Variants in NKAIN3 observed in about 807,000 individuals in gnomAD.
The protein encoded by NKAIN3 is sodium/potassium-transporting ATPase subunit beta-1-interacting protein 3.
In NKAIN3, 25 loss-of-function variants were observed where a neutral mutation model predicts 30.2. The observed-to-expected ratio is 0.83, with a 90% CI of 0.60 to 1.16. The LOEUF (loss-of-function observed/expected upper bound fraction) is 1.16. Ranked by LOEUF, NKAIN3 falls within the 50% of genes most tolerant of loss-of-function variation. The pLI is 0.00. For synonymous variants in NKAIN3, 91 were observed against 89.6 expected, an observed-to-expected ratio of 1.02 and a Z score of -0.09; for missense variants, 225 against 254.1, an observed-to-expected ratio of 0.89 and a Z score of 0.78.
chr8:62,581,820 ACTTCCTTCCCTCTT>A (rs764719726), intron 2 of NKAIN3, among the ~76,000 whole-genome samples: 19,229 of 33,566 alleles, frequency 0.57, 6,413 homozygotes, highest in Middle Eastern at 0.7. Flanking sequence ...TTCCTTCTTT[ACTTCCTTCCCTCTT>A]TCCTTTTTTC....
intron 4 of NKAIN3, among the ~76,000 whole-genome samples, chr8:62,805,173 C>A (rs1044178795): frequency 7.2e-5 from 11 of 151,936 alleles, no homozygotes; most frequent in African/African-American, 2.7e-4. Flanking sequence ...AATGGAAGAA[C>A]ATTCCATGCT....
intron 1 of NKAIN3, among the ~76,000 whole-genome samples, chr8:62,294,139 G>A (rs1391782186): frequency 3.3e-5 from 5 of 152,196 alleles, no homozygotes. Context: ...GTCTGTCACG[G>A]CTTCTCTTTG....
intron 4 of NKAIN3, among the ~76,000 whole-genome samples, chr8:62,907,516 C>T (rs112313988): frequency 0.011 from 1,676 of 152,228 alleles, 14 homozygotes; most frequent in Non-Finnish European, 0.017. Flanking sequence ...TTCATGGCAG[C>T]GCCCCCCATA....
At chr8:62,551,847 T>C (rs1363288117) in intron 1 of NKAIN3, among the ~76,000 whole-genome samples, 4 of 152,244 alleles carry the variant, frequency 2.6e-5, no homozygotes, top group East Asian at 3.8e-4. Context: ...ATTTTACTTA[T>C]CCTGCTTCTT....
At chr8:62,304,858 C>T (rs543125403) in intron 1 of NKAIN3, among the ~76,000 whole-genome samples, 17 of 150,484 alleles carry the variant, frequency 1.1e-4, no homozygotes, top group South Asian at 2.1e-4. Context: ...ACTCCATACT[C>T]AAGTGGAAAA....
intron 1 of NKAIN3, among the ~76,000 whole-genome samples, chr8:62,264,932 G>A (rs1812559053): frequency 6.6e-6 from 1 of 152,114 alleles, no homozygotes; most frequent in Non-Finnish European, 1.5e-5. Flanking sequence ...GTCACCTAGA[G>A]CAATGTTTTA....
chr8:62,474,503 G>T (rs772105802), intron 1 of NKAIN3, among the ~76,000 whole-genome samples: 3 of 152,096 alleles, frequency 2.0e-5, no homozygotes, highest in Non-Finnish European at 2.9e-5. Context: ...ATTGGCAAAC[G>T]TACAAAGACC....
chr8:62,674,515 T>G (rs1361453375), intron 3 of NKAIN3, among the ~76,000 whole-genome samples: 1 of 152,206 alleles, frequency 6.6e-6, no homozygotes, highest in Non-Finnish European at 1.5e-5. Flanking sequence ...GTATCCTGCT[T>G]GGGGATGGGG....
chr8:62,950,942 TC>T (rs917271629), intron 5 of NKAIN3, among the ~76,000 whole-genome samples: 10 of 136,044 alleles, frequency 7.4e-5, no homozygotes, highest in East Asian at 2.6e-4. Context: ...ATAAACAGAA[TC>T]CTTTTTTTTT....
chr8:62,699,920 G>A (rs1201714393), intron 3 of NKAIN3, among the ~76,000 whole-genome samples: 1 of 152,158 alleles, frequency 6.6e-6, no homozygotes, highest in Non-Finnish European at 1.5e-5. Flanking sequence ...GATCACTTGA[G>A]TTCAAGACCA....
chr8:62,695,630 C>G (rs1197144774), intron 3 of NKAIN3, among the ~76,000 whole-genome samples: 1 of 152,104 alleles, frequency 6.6e-6, no homozygotes, highest in Non-Finnish European at 1.5e-5. Flanking sequence ...AATAACAAGC[C>G]TTGGGAAAGC....
chr8:62,968,143 T>A lies in NKAIN3; in HGVS notation c.*2736T>A, dbSNP rs1273953353. 6.6e-6 allele frequency among the ~76,000 whole-genome samples: 1 copy of A among 152,250 alleles called. No individual in the cohort carries two copies. The highest frequency in any genetic ancestry group is 2.4e-5 in the African/African-American group (1 of 41,478). On this transcript the variant is annotated 3_prime_UTR_variant, in exon 7 of 7. Transcript: ENST00000623646. Reference sequence around the variant, plus strand: ...TCATCAGAAACAAGTTAGATTGATCTGCCACCTCCTCTTCTCTCTTTTCTT... The same window carrying A: ...TCATCAGAAACAAGTTAGATTGATCAGCCACCTCCTCTTCTCTCTTTTCTT...
intron 1 of NKAIN3, among the ~76,000 whole-genome samples, chr8:62,512,080 A>G (rs1216282606): frequency 6.6e-6 from 1 of 152,150 alleles, no homozygotes; most frequent in African/African-American, 2.4e-5. Flanking sequence ...TAGTGCTTTT[A>G]GCAAAATGAA....
intron 4 of NKAIN3, among the ~76,000 whole-genome samples, chr8:62,877,770 G>A (rs1050435833): frequency 2.0e-5 from 3 of 152,184 alleles, no homozygotes; most frequent in African/African-American, 7.2e-5. Context: ...GCCAGGCGCA[G>A]TGGCTCACAC....
chr8:62,482,139 C>T (rs7835901), intron 1 of NKAIN3: 1 of 152,074 alleles, frequency 6.6e-6, no homozygotes, highest in Non-Finnish European at 1.5e-5. Context: ...TGTTGGTTAT[C>T]GTTTTCTAGC....
At chr8:62,765,614 T>G (rs1283873978) in intron 4 of NKAIN3, among the ~76,000 whole-genome samples, 2 of 152,200 alleles carry the variant, frequency 1.3e-5, no homozygotes, top group East Asian at 3.8e-4. Context: ...CCAATACCTT[T>G]TTATATAAGA....
chr8:62,639,025 A>C (rs1380563350), intron 3 of NKAIN3, among the ~76,000 whole-genome samples: 2 of 152,022 alleles, frequency 1.3e-5, no homozygotes, highest in Admixed American at 6.6e-5. Flanking sequence ...CTATCTCATC[A>C]CTCTTCTTAC....
In NKAIN3 at chr8:62,345,496, CATATATACACATATATACACAT is replaced by C. The variant is rs1238621327; in HGVS notation, c.54+96374_54+96395del. Among the ~76,000 whole-genome samples the C allele has an allele frequency of 5.0e-4, 59 of 117,514 alleles. 3 individuals are homozygous for C. The highest frequency in any genetic ancestry group is 4.1e-3 in the Middle Eastern group (1 of 242). 77.1% of individuals were successfully genotyped at this position (117,514 alleles called of 152,430 possible). A position where few individuals can be genotyped will look rare whatever the true frequency, so the allele number is the denominator to read the frequency against. On this transcript the variant is annotated intron_variant, in intron 1 of 6. Transcript: ENST00000623646. ...ATACACATATATGTATATATACACA[CATATATACACATATATACACAT>C]ATATGTATATATACACACATATATA... is the stretch of plus-strand genomic sequence containing the variant.
chr8:62,527,063 T>C (rs999629448), intron 1 of NKAIN3, among the ~76,000 whole-genome samples: 11 of 152,178 alleles, frequency 7.2e-5, no homozygotes, highest in Non-Finnish European at 1.0e-4. Flanking sequence ...AACCTCAGTC[T>C]TTATGGTCTC....
Sources: allele counts gnomAD v4.1 joint callset (sites outside exome capture counted in the v4.1 genomes callset), GRCh38; gene constraint gnomAD v4.1.1; transcripts MANE v1.5; gene names NCBI Gene and HGNC (gene_info 2026-07-23, HGNC 2026-07-21).